The following GULP1 variants were observed in gnomAD, a reference collection of about 807,000 sequenced individuals.
GULP1 encodes GULP PTB domain containing engulfment adaptor 1.
GULP1 carries 19 observed loss-of-function variants against 40.9 expected under a neutral mutation model. That is an observed-to-expected ratio of 0.46 (90% CI 0.32 to 0.68). The LOEUF (loss-of-function observed/expected upper bound fraction) is 0.68. GULP1 is among the 30% of genes least tolerant of loss of function. The pLI, the probability that GULP1 is intolerant of heterozygous loss-of-function variation, is 0.03. For missense variants in GULP1, 312 were observed against 362.2 expected (o/e 0.86, Z 1.12); for synonymous variants, 119 against 117.6 (o/e 1.01, Z -0.08).
At chr2:188,578,223 TTC>T (rs779454893) in intron 9 of GULP1, among the ~76,000 whole-genome samples, 6 of 152,086 alleles carry the variant, frequency 3.9e-5, no homozygotes, top group Non-Finnish European at 7.4e-5. Context: ...AAAGCAGTGT[TTC>T]TGTTATTATT....
chr2:188,303,880 G>C (rs1450356128), intron 1 of GULP1, among the ~76,000 whole-genome samples: 2 of 152,134 alleles, frequency 1.3e-5, no homozygotes, highest in Non-Finnish European at 2.9e-5. Flanking sequence ...GGGGAAGCTA[G>C]GCAAGGGAGA....
chr2:188,381,455 G>T lies in GULP1; in HGVS notation c.-171-2308G>T, dbSNP rs189579738. Among the ~76,000 whole-genome samples the T allele has an allele frequency of 1.1e-3, 162 of 152,068 alleles. 1 individual carries two copies. The highest frequency in any genetic ancestry group is 3.7e-3 in the African/African-American group (152 of 41,520). ...TAATATTTTCTTTTATTAAATTTTG[G>T]AATTAGATCAATTGAAGAGTTTTAT... is the stretch of plus-strand genomic sequence containing the variant. On this transcript the variant is annotated intron_variant, in intron 1 of 11. Transcript: ENST00000409830.
At chr2:188,516,619 A>G (rs1171245921) in intron 4 of GULP1, among the ~76,000 whole-genome samples, 1 of 152,048 alleles carries the variant, frequency 6.6e-6, no homozygotes, top group Non-Finnish European at 1.5e-5. Context: ...CTCTCCTAAA[A>G]CAGGTTCTCA....
chr2:188,536,197 T>C (rs1225939918), intron 6 of GULP1, among the ~76,000 whole-genome samples: 2 of 152,184 alleles, frequency 1.3e-5, no homozygotes, highest in Non-Finnish European at 2.9e-5. Context: ...GCTCTTTAAT[T>C]AGGTTCCACT....
intron 1 of GULP1, among the ~76,000 whole-genome samples, chr2:188,325,402 C>A (rs751575504): frequency 6.6e-6 from 1 of 151,966 alleles, no homozygotes; most frequent in Non-Finnish European, 1.5e-5. Flanking sequence ...CTTGTTCAAT[C>A]TCGTGTTAAG....
chr2:188,471,220 A>G (rs1285834519), intron 2 of GULP1, among the ~76,000 whole-genome samples: 2 of 151,952 alleles, frequency 1.3e-5, no homozygotes, highest in Non-Finnish European at 2.9e-5. Flanking sequence ...TTATACCTTT[A>G]TTATCAGTCT....
chr2:188,485,126 C>T (rs1407518747), intron 4 of GULP1, among the ~76,000 whole-genome samples: 1 of 152,006 alleles, frequency 6.6e-6, no homozygotes, highest in Non-Finnish European at 1.5e-5. Context: ...GAATTATATG[C>T]TCCAGTTGAA....
At chr2:188,402,003 G>A (rs1311623413) in intron 2 of GULP1, among the ~76,000 whole-genome samples, 1 of 152,126 alleles carries the variant, frequency 6.6e-6, no homozygotes. Flanking sequence ...TCCACGGGTT[G>A]TGCCATGAGA....
chr2:188,505,629 T>G (rs1231000025), intron 4 of GULP1, among the ~76,000 whole-genome samples: 1 of 151,832 alleles, frequency 6.6e-6, no homozygotes, highest in East Asian at 1.9e-4. Context: ...TTCCAAGTCC[T>G]TGGTCCATTC....
intron 1 of GULP1, among the ~76,000 whole-genome samples, chr2:188,358,386 A>G (rs1009113694): frequency 2.6e-5 from 4 of 152,130 alleles, no homozygotes; most frequent in Non-Finnish European, 4.4e-5. Context: ...TACAAAATTA[A>G]CAGTTAGATA....
At chr2:188,357,412 G>A (rs2045485996) in intron 1 of GULP1, among the ~76,000 whole-genome samples, 1 of 152,110 alleles carries the variant, frequency 6.6e-6, no homozygotes, top group South Asian at 2.1e-4. Flanking sequence ...TTTCTCAAAA[G>A]AAGACATACA....
intron 7 of GULP1, among the ~76,000 whole-genome samples, chr2:188,554,922 G>A (rs559608411): frequency 2.6e-5 from 4 of 151,990 alleles, no homozygotes; most frequent in Admixed American, 2.6e-4. Flanking sequence ...TTTTAGAACT[G>A]TTTTTGGCTT....
At chr2:188,545,730 T>G (rs1691762265) in intron 7 of GULP1, among the ~76,000 whole-genome samples, 1 of 151,714 alleles carries the variant, frequency 6.6e-6, no homozygotes, top group East Asian at 1.9e-4. Flanking sequence ...CCCTAACATA[T>G]CAAAAATCAC....
chr2:188,537,907 A>G (rs1689357168), intron 6 of GULP1, among the ~76,000 whole-genome samples: 1 of 151,988 alleles, frequency 6.6e-6, no homozygotes. Flanking sequence ...TGCTGATTCA[A>G]TGTTGGGAGG....
At chr2:188,298,506 T>G (rs1280523406) in intron 1 of GULP1, among the ~76,000 whole-genome samples, 3 of 152,152 alleles carry the variant, frequency 2.0e-5, no homozygotes, top group African/African-American at 7.2e-5. Flanking sequence ...ATTTTAGATT[T>G]ATAAAATAGC....
intron 4 of GULP1, among the ~76,000 whole-genome samples, chr2:188,494,496 C>A (rs976901322): frequency 1.3e-5 from 2 of 151,938 alleles, no homozygotes; most frequent in African/African-American, 4.8e-5. Context: ...AATGCTGACT[C>A]TCAATGTCTA....
At chr2:188,373,819 G>C (rs2047937379) in intron 1 of GULP1, among the ~76,000 whole-genome samples, 1 of 152,052 alleles carries the variant, frequency 6.6e-6, no homozygotes, top group Non-Finnish European at 1.5e-5. Flanking sequence ...AATTCATTTG[G>C]AATGAAGAGA....
chr2:188,551,090 A>AT (rs1294744416), intron 7 of GULP1, among the ~76,000 whole-genome samples: 1 of 151,632 alleles, frequency 6.6e-6, no homozygotes, highest in Non-Finnish European at 1.5e-5. Flanking sequence ...TTTGTATGTG[A>AT]TTTTTTAAGA....
chr2:188,541,100 C>G lies in GULP1; in HGVS notation c.262-81C>G. ...GATGATTGTTCTACTTTTAAAGTCACATGTTATTAACACAAACGAGTATTT... is the reference window on the plus strand; with the variant it reads ...GATGATTGTTCTACTTTTAAAGTCAGATGTTATTAACACAAACGAGTATTT... On this transcript the variant is annotated intron_variant, in intron 6 of 11. Transcript: ENST00000409830. The G allele has an allele frequency of 2.6e-6, 3 of 1,170,854 alleles. No individual in the cohort carries two copies. In the South Asian group the frequency reaches 4.3e-5, roughly 17 times the overall value. 72.5% of individuals were successfully genotyped at this position (1,170,854 alleles called of 1,614,324 possible). A position where few individuals can be genotyped will look rare whatever the true frequency, so the allele number is the denominator to read the frequency against.
Sources: gnomAD v4.1 joint callset for allele counts (sites outside exome capture counted in the v4.1 genomes callset) on GRCh38, gnomAD v4.1.1 for gene constraint, MANE v1.5 for transcripts, NCBI Gene and HGNC (gene_info 2026-07-23, HGNC 2026-07-21) for gene names.